The following RBFOX3 variants were observed in gnomAD, a reference collection of about 807,000 sequenced individuals.
The protein encoded by RBFOX3 is RNA binding protein fox-1 homolog 3.
RBFOX3 carries 17 observed loss-of-function variants against 48.7 expected under a neutral mutation model. That is an observed-to-expected ratio of 0.35 (90% CI 0.24 to 0.52). RBFOX3 has a LOEUF of 0.52. Among genes scored for constraint, RBFOX3 ranks in the 20% least tolerant of loss-of-function variants. The pLI, the probability that RBFOX3 is intolerant of heterozygous loss-of-function variation, is 0.94. For missense variants in RBFOX3, 382 were observed against 497.5 expected, an observed-to-expected ratio of 0.77 and a Z score of 2.21; for synonymous variants, 212 against 209.5, an observed-to-expected ratio of 1.01 and a Z score of -0.10.
intron 2 of RBFOX3, among the ~76,000 whole-genome samples, chr17:79,356,366 T>TGTTTTTGTTTTTG (rs1568100999): frequency 9.4e-6 from 1 of 105,938 alleles, no homozygotes; most frequent in African/African-American, 3.7e-5. Context: ...TTTTTTTTTT[T>TGTTTTTGTTTTTG]TTTTTTTTTT....
chr17:79,094,266 G>A lies in RBFOX3; in HGVS notation c.1077+185C>T, dbSNP rs545796667. On this transcript the variant is annotated intron_variant, in intron 14 of 14. Coordinates refer to ENST00000693108, the MANE Select transcript of RBFOX3 (RefSeq NM_001350451.2). ...GACCAGCCATTCAACCTGCTTCCCC[G>A]CAACTGAGAGGGCGTGAGGGGCCAG... 37 of 482,742 alleles carry A rather than the reference G, an allele frequency of 7.7e-5. No individual in the cohort carries two copies. In the South Asian group the frequency reaches 9.4e-4, roughly 12 times the overall value. 29.9% of individuals were successfully genotyped at this position (482,742 alleles called of 1,614,324 possible). A position where few individuals can be genotyped will look rare whatever the true frequency, so the allele number is the denominator to read the frequency against.
chr17:79,361,641 C>T lies in RBFOX3; in HGVS notation c.-174-53817G>A, dbSNP rs2086376825. Among the ~76,000 whole-genome samples the T allele has an allele frequency of 6.6e-6, 1 of 152,230 alleles. No individual in the cohort carries two copies. Among genetic ancestry groups the T allele is most frequent in the South Asian group, 2.1e-4 (1 of 4,826 alleles). ...CATCTCTCCTCCTCCTCCCAGCATC[C>T]CCTCTCTTTCACTCTGCCCTCAAAC... On this transcript the variant is annotated intron_variant, in intron 2 of 14. Transcript: ENST00000693108. The surrounding 1 kb of genome is among the most constrained non-coding windows in gnomAD (Gnocchi z 4.5).
rs775993784 is a variant in RBFOX3 at position 79,103,246 on chromosome 17, C to T, written c.423G>A (p.Gly141=). ...CTGAGCTAGTTTCAAAAGTTACAAA[C>T]CCAAAACCCTGTGAGCAGAGGAGAG... The part of the protein sequence containing the change: ...IFNERGSKGF[G]FVTFETSSDA... Residue 141 remains glycine (G), a synonymous_variant, in exon 8 of 15, where the codon GGG becomes GGA. Transcript: ENST00000693108. The surrounding 1 kb of genome is among the most constrained non-coding windows in gnomAD (Gnocchi z 6.1). 76 of 1,550,934 alleles carry T rather than the reference C, an allele frequency of 4.9e-5. No homozygotes were observed. The highest frequency in any genetic ancestry group is 6.0e-5 in the Non-Finnish European group (69 of 1,146,732).
intron 6 of RBFOX3, 39 bp from the exon 7 acceptor site, chr17:79,104,165 G>A: frequency 6.6e-7 from 1 of 1,519,264 alleles, no homozygotes. Context: ...GGGCAGACAG[G>A]AAAGTGCGGG....
At chr17:79,400,164 G>T (rs982008629) in intron 2 of RBFOX3, among the ~76,000 whole-genome samples, 1 of 152,120 alleles carries the variant, frequency 6.6e-6, no homozygotes, top group African/African-American at 2.4e-5. Context: ...TGGAACTCCA[G>T]AGGGGAGCCA....
At chr17:79,616,909 C>T in the RBFOX3 span, among the ~76,000 whole-genome samples, 1 of 152,182 alleles carries the variant, frequency 6.6e-6, no homozygotes, top group African/African-American at 2.4e-5. Flanking sequence ...TCAGAGACGC[C>T]AACCAGCTAA....
At chr17:79,303,312 C>T (rs1022902080) in intron 3 of RBFOX3, among the ~76,000 whole-genome samples, 1 of 152,076 alleles carries the variant, frequency 6.6e-6, no homozygotes, top group Admixed American at 6.6e-5. Context: ...ACTGATTATG[C>T]GGTATATGGT....
chr17:79,270,852 G>T (rs1450439276), intron 3 of RBFOX3, among the ~76,000 whole-genome samples: 1 of 152,230 alleles, frequency 6.6e-6, no homozygotes, highest in Non-Finnish European at 1.5e-5. Context: ...TGTACTACAC[G>T]CCATCTTCAT....
At chr17:79,349,118 C>T (rs907900) in intron 2 of RBFOX3, among the ~76,000 whole-genome samples, 149,187 of 152,072 alleles carry the variant, frequency 0.98, 73,238 homozygotes, top group East Asian at 1. Context: ...GGCTCCTTCC[C>T]CATCCCCACG....
chr17:79,130,105 A>T (rs1332691052), intron 4 of RBFOX3, among the ~76,000 whole-genome samples: 1 of 152,174 alleles, frequency 6.6e-6, no homozygotes, highest in East Asian at 1.9e-4. Flanking sequence ...CTCCCACCCC[A>T]TCCAACCCAT....
intron 2 of RBFOX3, among the ~76,000 whole-genome samples, chr17:79,370,938 A>G (rs2058448815): frequency 6.6e-6 from 1 of 152,220 alleles, no homozygotes; most frequent in African/African-American, 2.4e-5. Flanking sequence ...CCAAGCCAAG[A>G]ACACCTGGAG....
intron 2 of RBFOX3, among the ~76,000 whole-genome samples, chr17:79,476,637 C>A (rs2077803853): frequency 6.6e-6 from 1 of 152,196 alleles, no homozygotes; most frequent in Admixed American, 6.5e-5. Context: ...TCTCTGATGT[C>A]TTCTCATCTC....
At chr17:79,341,783 C>T (rs1035335905) in intron 2 of RBFOX3, among the ~76,000 whole-genome samples, 1 of 152,154 alleles carries the variant, frequency 6.6e-6, no homozygotes, top group Non-Finnish European at 1.5e-5. Flanking sequence ...AGAGGAGTGG[C>T]GAGCCTGTCT....
chr17:79,118,865 A>G (rs1795953), intron 4 of RBFOX3, among the ~76,000 whole-genome samples: 1 of 150,530 alleles, frequency 6.6e-6, no homozygotes, highest in Admixed American at 6.6e-5. Context: ...TAGTCCCAGT[A>G]ATGTGGGAGG....
chr17:79,590,911 A>T (rs1289712189), intron 1 of RBFOX3, among the ~76,000 whole-genome samples: 2 of 152,184 alleles, frequency 1.3e-5, no homozygotes, highest in South Asian at 2.1e-4. Context: ...ATCTTCAATG[A>T]ACCCCAAGAA....
At chr17:79,444,779 A>C (rs1028861491) in intron 2 of RBFOX3, among the ~76,000 whole-genome samples, 2 of 152,098 alleles carry the variant, frequency 1.3e-5, no homozygotes, top group South Asian at 4.1e-4. Flanking sequence ...GCAAATATAC[A>C]TTCAGATATA....
At chr17:79,189,583 C>T (rs561311545) in intron 4 of RBFOX3, among the ~76,000 whole-genome samples, 28 of 152,308 alleles carry the variant, frequency 1.8e-4, no homozygotes, top group African/African-American at 6.5e-4. Context: ...GGCAGGAGGT[C>T]GCGAGGACTC....
chr17:79,373,393 C>G (rs550969975), intron 2 of RBFOX3, among the ~76,000 whole-genome samples: 1 of 152,202 alleles, frequency 6.6e-6, no homozygotes, highest in Non-Finnish European at 1.5e-5. Context: ...TCGGGCTGGG[C>G]GTGGGAGCAT....
intron 13 of RBFOX3, among the ~76,000 whole-genome samples, chr17:79,094,848 G>A (rs914801257): frequency 6.6e-6 from 1 of 152,114 alleles, no homozygotes. Context: ...CGTCTGCAGG[G>A]AAAACAAACT....
Sources: allele counts gnomAD v4.1 joint callset (sites outside exome capture counted in the v4.1 genomes callset), GRCh38; gene constraint gnomAD v4.1.1; non-coding constraint Gnocchi (gnomAD v3.1); transcripts MANE v1.5; gene names NCBI Gene and HGNC (gene_info 2026-07-23, HGNC 2026-07-21).